The following ATP11A variants were observed in gnomAD, a reference collection of about 807,000 sequenced individuals.
The protein encoded by ATP11A is phospholipid-transporting ATPase IH.
A neutral mutation model predicts 154.4 loss-of-function variants in ATP11A; 81 were observed. The ratio of observed to expected loss-of-function variants is 0.52; its 90% CI spans 0.44 to 0.63. The LOEUF (loss-of-function observed/expected upper bound fraction) is 0.63, where lower values mean the gene tolerates loss of function less well. ATP11A is among the 30% of genes least tolerant of loss of function. The pLI, the probability that ATP11A is intolerant of heterozygous loss-of-function variation, is 0.00. For synonymous variants in ATP11A, 623 were observed against 585.9 expected (o/e 1.06, Z -0.91); for missense variants, 1,316 against 1,474.3 (o/e 0.89, Z 1.76).
chr13:112,782,516 CT>C (rs2077524910), intron 1 of ATP11A, among the ~76,000 whole-genome samples: 1 of 152,244 alleles, frequency 6.6e-6, no homozygotes, highest in Non-Finnish European at 1.5e-5. Flanking sequence ...TGGCTATGTT[CT>C]GTGAAAACAA....
intron 1 of ATP11A, among the ~76,000 whole-genome samples, chr13:112,716,836 C>G (rs976514550): frequency 6.6e-6 from 1 of 152,034 alleles, no homozygotes; most frequent in Admixed American, 6.6e-5. Context: ...GGCCTCCCAG[C>G]CTCCCTCAAT....
intron 5 of ATP11A, among the ~76,000 whole-genome samples, chr13:112,810,998 T>G (rs2078477698): frequency 6.6e-6 from 1 of 151,842 alleles, no homozygotes; most frequent in African/African-American, 2.4e-5. Flanking sequence ...TTTATTTTCT[T>G]TGGCAAAACA....
chr13:112,765,751 C>T (rs1238496078), intron 1 of ATP11A, among the ~76,000 whole-genome samples: 1 of 152,254 alleles, frequency 6.6e-6, no homozygotes, highest in Non-Finnish European at 1.5e-5. Context: ...AGAACGAAAG[C>T]TCTGACTGAC....
At chr13:112,877,709 G>A (rs2080771059) in intron 28 of ATP11A, among the ~76,000 whole-genome samples, 1 of 152,190 alleles carries the variant, frequency 6.6e-6, no homozygotes, top group Admixed American at 6.5e-5. Flanking sequence ...GAACTCGGGG[G>A]GTTAGGAGGG....
chr13:112,765,591 C>T lies in ATP11A; in HGVS notation c.40-19544C>T, dbSNP rs555964279. Among the ~76,000 whole-genome samples, 18 of 152,332 alleles carry T rather than the reference C, an allele frequency of 1.2e-4. No individual in the cohort carries two copies. The South Asian group carries it at 1.9e-3, about 16-fold the overall frequency. ...TCAAACACAGGAAGAAGCGCTCAGT[C>T]GATGTTCATGGTGAGAACGAGGGTT... On this transcript the variant is annotated intron_variant, in intron 1 of 29. Transcript: ENST00000375645.
chr13:112,743,263 T>G (rs1891741662), intron 1 of ATP11A, among the ~76,000 whole-genome samples: 1 of 152,182 alleles, frequency 6.6e-6, no homozygotes, highest in African/African-American at 2.4e-5. Flanking sequence ...ATAGCATTGC[T>G]GGAAAATAGA....
Position 112,885,078 on chromosome 13 carries a change from TAC to T in ATP11A, c.*3223_*3224del, listed in dbSNP as rs3832906. 9,711 of 152,048 alleles carry T rather than the reference TAC, an allele frequency of 0.064. 707 individuals are homozygous for T. Among genetic ancestry groups the T allele is most frequent in the African/African-American group, 0.18 (7,312 of 41,442 alleles). 9.4% of individuals were successfully genotyped at this position (152,048 alleles called of 1,614,324 possible). On this transcript the variant is annotated 3_prime_UTR_variant, in exon 30 of 30. Transcript: ENST00000375645. ...ACACAAGTGTGAGCTCCTACACGCA[TAC>T]ACACACACACGTGTACATGCACCAA...
chr13:112,697,987 C>T lies in ATP11A; in HGVS notation c.39+7532C>T, dbSNP rs1388273991. Among the ~76,000 whole-genome samples, 1 of 152,148 alleles carries T rather than the reference C, an allele frequency of 6.6e-6. No individual in the cohort carries two copies. Among genetic ancestry groups the T allele is most frequent in the Non-Finnish European group, 1.5e-5 (1 of 68,026 alleles). Reference sequence around the variant, plus strand: ...CCTTTGCTTTCCAGGCAGGCATTTCCCAATTTTGTTAGATTCTCAAGGGAG... The same window carrying T: ...CCTTTGCTTTCCAGGCAGGCATTTCTCAATTTTGTTAGATTCTCAAGGGAG... On this transcript the variant is annotated intron_variant, in intron 1 of 29. Transcript: ENST00000375645. The surrounding 1 kb of genome is among the most constrained non-coding windows in gnomAD (Gnocchi z 4.0).
chr13:112,836,082 G>C, intron 15 of ATP11A, 96 bp from the exon 16 acceptor site: 1 of 876,838 alleles, frequency 1.1e-6, no homozygotes, highest in Non-Finnish European at 1.8e-6. Context: ...GGCCAGGGCT[G>C]CCCCAGCCAT....
intron 1 of ATP11A, among the ~76,000 whole-genome samples, chr13:112,776,863 C>T (rs2077361580): frequency 6.6e-6 from 1 of 152,204 alleles, no homozygotes; most frequent in Non-Finnish European, 1.5e-5. Flanking sequence ...TCCCAGAGTG[C>T]TGGGATTACA....
At chr13:112,701,196 C>A (rs1005751827) in intron 1 of ATP11A, among the ~76,000 whole-genome samples, 5 of 152,220 alleles carry the variant, frequency 3.3e-5, no homozygotes, top group Non-Finnish European at 7.3e-5. Context: ...TCCCCTGCAA[C>A]AGCGACCCAT....
intron 3 of ATP11A, among the ~76,000 whole-genome samples, chr13:112,805,391 G>T (rs924567745): frequency 1.3e-5 from 2 of 152,126 alleles, no homozygotes; most frequent in Non-Finnish European, 2.9e-5. Flanking sequence ...AGTGTGTGTG[G>T]ATGCTCTAAA....
chr13:112,823,425 A>G lies in ATP11A; in HGVS notation c.790+16A>G. 1 of 1,578,922 alleles carries G rather than the reference A, an allele frequency of 6.3e-7. No individual in the cohort carries two copies. Among genetic ancestry groups the G allele is most frequent in the Non-Finnish European group, 8.7e-7 (1 of 1,148,688 alleles). On this transcript the variant is annotated intron_variant, in intron 9 of 29. Transcript: ENST00000375645. ...AAAATCTTTGGTAAATATTTAATTA[A>G]TTATTAACCATTGCCCCTAACATTA...
chr13:112,797,457 A>C (rs904196884), intron 2 of ATP11A, among the ~76,000 whole-genome samples: 2 of 152,184 alleles, frequency 1.3e-5, no homozygotes, highest in African/African-American at 4.8e-5. Flanking sequence ...TTTTTTAAAA[A>C]GGGTACACCT....
chr13:112,849,748 A>G (rs1469081476), intron 17 of ATP11A, among the ~76,000 whole-genome samples: 2 of 152,250 alleles, frequency 1.3e-5, no homozygotes, highest in South Asian at 2.1e-4. Flanking sequence ...AGTCAGACAC[A>G]GTGCCCACAG....
chr13:112,726,010 G>A (rs1368505257), intron 1 of ATP11A, among the ~76,000 whole-genome samples: 1 of 152,274 alleles, frequency 6.6e-6, no homozygotes, highest in African/African-American at 2.4e-5. Flanking sequence ...CAAGCTTTGT[G>A]CTTTTAGTTT....
intron 1 of ATP11A, among the ~76,000 whole-genome samples, chr13:112,710,558 C>T (rs1288543463): frequency 1.3e-5 from 2 of 152,194 alleles, no homozygotes; most frequent in Non-Finnish European, 2.9e-5. Flanking sequence ...AGACAGGGCT[C>T]CAGGAGGCGG....
intron 1 of ATP11A, among the ~76,000 whole-genome samples, chr13:112,732,911 C>CCT (rs1890641812): frequency 6.6e-6 from 1 of 152,172 alleles, no homozygotes; most frequent in Admixed American, 6.5e-5. Context: ...CTGCACCTGG[C>CCT]CTCTGCCTCT....
intron 16 of ATP11A, among the ~76,000 whole-genome samples, chr13:112,839,695 G>GT (rs1347331772): frequency 1.3e-5 from 2 of 152,240 alleles, no homozygotes; most frequent in African/African-American, 2.4e-5. Flanking sequence ...TGTCCTCTGG[G>GT]TTTTTTTATT....
Sources: allele counts gnomAD v4.1 joint callset (sites outside exome capture counted in the v4.1 genomes callset), GRCh38; gene constraint gnomAD v4.1.1; non-coding constraint Gnocchi (gnomAD v3.1); transcripts MANE v1.5; gene names NCBI Gene and HGNC (gene_info 2026-07-23, HGNC 2026-07-21).